The following NUP210L variants were observed in gnomAD, a reference collection of about 807,000 sequenced individuals.
NUP210L encodes the protein nucleoporin 210 like.
In NUP210L, 74 loss-of-function variants were observed where a neutral mutation model predicts 208.5. The ratio of observed to expected loss-of-function variants is 0.35; its 90% confidence interval spans 0.29 to 0.43. The LOEUF is 0.43. NUP210L is among the 20% of genes least tolerant of loss of function. The probability of loss-of-function intolerance (pLI) is 1.00; values close to 1 mark genes in which losing one functional copy is unlikely to be tolerated. For synonymous variants in NUP210L, 780 were observed against 816.9 expected, an observed-to-expected ratio of 0.95 and a Z score of 0.77; for missense variants, 1,843 against 2,289.4, an observed-to-expected ratio of 0.81 and a Z score of 3.98.
At chr1:154,129,408 G>A (rs2148122235) in intron 7 of NUP210L, 63 bp from the exon 8 acceptor site, 3 of 967,946 alleles carry the variant, frequency 3.1e-6, no homozygotes, top group East Asian at 4.8e-5. Flanking sequence ...GGTACCAAAG[G>A]AGAAAAACAA....
chr1:154,067,881 C>T (rs1021566844), intron 17 of NUP210L, among the ~76,000 whole-genome samples: 8 of 152,262 alleles, frequency 5.3e-5, no homozygotes, highest in African/African-American at 1.9e-4. Flanking sequence ...AGGAATCCAA[C>T]TTACAAGGGA....
At chr1:154,100,089 G>T in exon 14 of NUP210L, 1 of 1,613,962 alleles carries the variant, frequency 6.2e-7, no homozygotes, top group Non-Finnish European at 8.5e-7. Flanking sequence ...ATGGCCAAGA[G>T]ATTTAGCTGC....
intron 12 of NUP210L, among the ~76,000 whole-genome samples, chr1:154,105,957 G>C (rs1439231972): frequency 2.0e-5 from 3 of 152,110 alleles, no homozygotes; most frequent in African/African-American, 7.2e-5. Flanking sequence ...TTTGAACAAA[G>C]GAGAGTCAAG....
chr1:154,140,212 G>A (rs1243020753), intron 4 of NUP210L, among the ~76,000 whole-genome samples: 4 of 151,874 alleles, frequency 2.6e-5, no homozygotes, highest in Admixed American at 1.3e-4. Context: ...TTAGCCGGGC[G>A]TGGTGGCATG....
At chr1:154,071,406 C>G (rs1275048288) in intron 16 of NUP210L, among the ~76,000 whole-genome samples, 1 of 151,812 alleles carries the variant, frequency 6.6e-6, no homozygotes, top group Non-Finnish European at 1.5e-5. Flanking sequence ...AAGAAGTATA[C>G]AGTGGACCCA....
In NUP210L at chr1:154,029,799, T is replaced by C; in HGVS notation, c.3855+97A>G. ...GTTCCAGGAATCGCTCTAACAATTA[T>C]CTGTCTCTATCCAGACTAAGCTCTT... On this transcript the variant is annotated intron_variant, in intron 28 of 39. Transcript: ENST00000368559. 1.1e-5 allele frequency: 10 copies of C among 916,246 alleles called. No homozygotes were observed. In the South Asian group the frequency reaches 1.6e-4, roughly 15 times the overall value. 56.8% of individuals were successfully genotyped at this position (916,246 alleles called of 1,614,324 possible).
intron 12 of NUP210L, among the ~76,000 whole-genome samples, chr1:154,106,116 C>T (rs543998106): frequency 3.3e-5 from 5 of 151,920 alleles, no homozygotes; most frequent in Non-Finnish European, 7.4e-5. Flanking sequence ...CAAAAATTAC[C>T]CGGGCGTGGT....
intron 37 of NUP210L, chr1:153,995,558 T>TA: frequency 1.4e-6 from 1 of 697,070 alleles, no homozygotes; most frequent in Middle Eastern, 4.0e-4. Context: ...AAGGATGCTT[T>TA]AAATCCTCTG....
intron 32 of NUP210L, among the ~76,000 whole-genome samples, chr1:154,020,920 C>G (rs1651520748): frequency 6.6e-6 from 1 of 151,648 alleles, no homozygotes; most frequent in East Asian, 2.0e-4. Flanking sequence ...CCTCGGCCTC[C>G]CAAATGTTTT....
intron 12 of NUP210L, among the ~76,000 whole-genome samples, chr1:154,115,492 C>T (rs1043970212): frequency 7.9e-5 from 12 of 152,110 alleles, no homozygotes; most frequent in African/African-American, 2.4e-4. Context: ...TTATTCCATC[C>T]TCCAAAAGTC....
chr1:154,043,318 C>T (rs760738878), intron 27 of NUP210L, among the ~76,000 whole-genome samples: 5 of 151,092 alleles, frequency 3.3e-5, no homozygotes, highest in Non-Finnish European at 7.4e-5. Flanking sequence ...CTGCACTCCG[C>T]CTTTTTTTTT....
intron 38 of NUP210L, among the ~76,000 whole-genome samples, chr1:153,993,556 ACT>A (rs1344577367): frequency 6.8e-6 from 1 of 146,910 alleles, no homozygotes; most frequent in Non-Finnish European, 1.5e-5. Context: ...ATAGAGCCAG[ACT>A]CTGTCTCAGA....
rs1452438758 is a variant in NUP210L, at chr1:154,154,827, C to T, written c.203+15G>A. On this transcript the variant is annotated intron_variant, in intron 1 of 39. Transcript: ENST00000368559. ...GTAGTGAGGGTGCATATCCTTGTCA[C>T]CCACCACCCCTCACCAAGTGTAGCA... 11 of 1,606,172 alleles carry T rather than the reference C, an allele frequency of 6.8e-6. No individual in the cohort carries two copies. The highest frequency in any genetic ancestry group is 6.8e-6 in the Non-Finnish European group (8 of 1,172,852).
chr1:154,090,205 C>A, intron 15 of NUP210L, among the ~76,000 whole-genome samples: 1 of 150,750 alleles, frequency 6.6e-6, no homozygotes. Flanking sequence ...ATAGTGAGAC[C>A]CTGTCTCAGG....
At chr1:153,995,202 A>G (rs1440698048) in intron 37 of NUP210L, 22 bp from the exon 38 acceptor site, 1 of 1,520,872 alleles carries the variant, frequency 6.6e-7, no homozygotes, top group South Asian at 1.2e-5. Flanking sequence ...CCATAACAAA[A>G]CAAGATAATA....
At chr1:154,114,858 A>G (rs1309333625) in intron 12 of NUP210L, among the ~76,000 whole-genome samples, 1 of 151,858 alleles carries the variant, frequency 6.6e-6, no homozygotes, top group East Asian at 1.9e-4. Flanking sequence ...TGGCCACTCA[A>G]AGGTGTTGGG....
At chr1:154,077,970 G>A (rs1008935426) in intron 16 of NUP210L, among the ~76,000 whole-genome samples, 16 of 151,920 alleles carry the variant, frequency 1.1e-4, no homozygotes, top group Non-Finnish European at 2.1e-4. Flanking sequence ...GGGCAACAGA[G>A]TGAGACTCAG....
intron 32 of NUP210L, among the ~76,000 whole-genome samples, chr1:154,019,401 G>T (rs16835720): frequency 0.011 from 1,726 of 152,260 alleles, 35 homozygotes; most frequent in African/African-American, 0.04. Flanking sequence ...GCTACTGATT[G>T]ATGACAGCAA....
chr1:154,147,492 C>T (rs1445481482), intron 2 of NUP210L, among the ~76,000 whole-genome samples: 1 of 151,894 alleles, frequency 6.6e-6, no homozygotes, highest in Admixed American at 6.6e-5. Flanking sequence ...CACGTACCAT[C>T]ATGCCTGGCT....
Sources: allele counts gnomAD v4.1 joint callset (sites outside exome capture counted in the v4.1 genomes callset), GRCh38; gene constraint gnomAD v4.1.1; transcripts MANE v1.5; gene names NCBI Gene and HGNC (gene_info 2026-07-23, HGNC 2026-07-21).